The following ATP11B variants were observed in gnomAD, a reference collection of about 807,000 sequenced individuals.
ATP11B encodes phospholipid-transporting ATPase IF.
Under a neutral mutation model 157.8 loss-of-function variants are expected in ATP11B, and 81 were observed. The observed-to-expected ratio is 0.51, with a 90% CI of 0.43 to 0.62. The LOEUF is 0.62. ATP11B is among the 20% of genes least tolerant of loss of function. ATP11B has a pLI of 0.00. For missense variants in ATP11B, 1,165 were observed against 1,402.2 expected (o/e 0.83, Z 2.70); for synonymous variants, 451 against 469.4 (o/e 0.96, Z 0.51).
At chr3:182,835,969 C>T (rs1718517626) in intron 4 of ATP11B, 66 bp from the exon 5 acceptor site, 17 of 1,362,370 alleles carry the variant, frequency 1.2e-5, no homozygotes, top group Non-Finnish European at 1.5e-5. Context: ...AGTTTTTTTT[C>T]TTATTTGATA....
intron 17 of ATP11B, among the ~76,000 whole-genome samples, chr3:182,870,185 A>G (rs1721548130): frequency 6.6e-6 from 1 of 152,226 alleles, no homozygotes; most frequent in African/African-American, 2.4e-5. Context: ...AATATGCGAT[A>G]TAACACTGAT....
intron 19 of ATP11B, among the ~76,000 whole-genome samples, chr3:182,875,446 GT>G (rs1268591243): frequency 6.6e-6 from 1 of 152,020 alleles, no homozygotes; most frequent in African/African-American, 2.4e-5. Context: ...TGTTGTTGTT[GT>G]TTGTTTGTTT....
intron 28 of ATP11B, among the ~76,000 whole-genome samples, chr3:182,912,637 C>T (rs1040263640): frequency 6.6e-6 from 1 of 152,230 alleles, no homozygotes; most frequent in Non-Finnish European, 1.5e-5. Flanking sequence ...TTGTTTCACA[C>T]TGTGTGGTGT....
chr3:182,862,336 T>C (rs1319342411), intron 12 of ATP11B, among the ~76,000 whole-genome samples: 1 of 151,894 alleles, frequency 6.6e-6, no homozygotes, highest in Non-Finnish European at 1.5e-5. Context: ...AAGCTATTGA[T>C]TCAGTGGGCC....
chr3:182,874,149 A>T (rs1465147966), intron 19 of ATP11B, 134 bp downstream of exon 19: 1 of 678,504 alleles, frequency 1.5e-6, no homozygotes, highest in East Asian at 2.7e-5. Flanking sequence ...ACATTTTTTG[A>T]TAGATGAAAT....
intron 1 of ATP11B, among the ~76,000 whole-genome samples, chr3:182,808,441 TC>T (rs1401230906): frequency 6.6e-6 from 1 of 152,204 alleles, no homozygotes; most frequent in Non-Finnish European, 1.5e-5. Context: ...ACATTTTTTT[TC>T]CAGCATATAT....
chr3:182,808,118 C>T (rs73050606), intron 1 of ATP11B, among the ~76,000 whole-genome samples: 20,282 of 152,106 alleles, frequency 0.13, 1,617 homozygotes, highest in African/African-American at 0.22. Flanking sequence ...TCATATGTTA[C>T]CTAGAACGTT....
intron 1 of ATP11B, among the ~76,000 whole-genome samples, chr3:182,814,435 G>C (rs1716851629): frequency 6.6e-6 from 1 of 152,158 alleles, no homozygotes; most frequent in Admixed American, 6.5e-5. Flanking sequence ...GTGAAAACTA[G>C]AGAATTTAAT....
At chr3:182,874,465 A>G (rs1721887425) in intron 19 of ATP11B, among the ~76,000 whole-genome samples, 2 of 152,034 alleles carry the variant, frequency 1.3e-5, no homozygotes, top group African/African-American at 4.8e-5. Flanking sequence ...TATGGCCATC[A>G]TGTCAAAACA....
chr3:182,895,576 G>C (rs1225968299), intron 25 of ATP11B, among the ~76,000 whole-genome samples: 3 of 152,116 alleles, frequency 2.0e-5, no homozygotes, highest in Admixed American at 1.3e-4. Context: ...TTGAACCAGT[G>C]TTAAGATAAT....
rs762759717 is a variant in ATP11B, at chr3:182,918,037, C to A, written c.3467C>A (p.Ser1156Ter). The part of the protein sequence containing the change: ...PTHISRSWSA[S>*]DPFYTNDRSI... ...TGTTACTTTAGATCATGGAGTGCAT[C>A]GGATCCTTTCTATACCAACGACAGG... Residue 1156 changes from serine (S) to a stop codon, truncating the protein, a stop_gained, in exon 30 of 30, where the codon TCG becomes TAG. Transcript: ENST00000323116. LOFTEE classifies it high-confidence loss of function. 1 of 1,613,032 alleles carries A rather than the reference C, an allele frequency of 6.2e-7. No homozygotes were observed. Among genetic ancestry groups the A allele is most frequent in the Admixed American group, 1.7e-5 (1 of 59,962 alleles).
intron 28 of ATP11B, chr3:182,905,960 G>A (rs1724318578): frequency 4.5e-6 from 2 of 440,240 alleles, no homozygotes. Context: ...CATCCGCTAA[G>A]TTCTCATGCT....
chr3:182,827,433 G>A (rs1052907391), intron 2 of ATP11B, among the ~76,000 whole-genome samples: 2 of 152,114 alleles, frequency 1.3e-5, no homozygotes. Context: ...AGTGGGACAC[G>A]GAGAGATTAA....
intron 28 of ATP11B, among the ~76,000 whole-genome samples, chr3:182,907,869 T>C (rs1419903210): frequency 2.6e-5 from 4 of 152,346 alleles, no homozygotes; most frequent in East Asian, 1.9e-4. Context: ...AAATGTACAG[T>C]ACAGCTGAGA....
intron 28 of ATP11B, chr3:182,902,356 G>A (rs541518838): frequency 2.0e-5 from 7 of 341,550 alleles, no homozygotes; most frequent in African/African-American, 4.2e-5. Flanking sequence ...TGTGTATCAC[G>A]TATGATATTT....
intron 9 of ATP11B, among the ~76,000 whole-genome samples, chr3:182,845,991 A>G (rs983663957): frequency 3.9e-5 from 6 of 152,236 alleles, no homozygotes; most frequent in African/African-American, 1.4e-4. Context: ...AAAAGGATGA[A>G]TAAGTACTGC....
intron 2 of ATP11B, among the ~76,000 whole-genome samples, chr3:182,821,499 T>A (rs1192291285): frequency 1.3e-5 from 2 of 152,248 alleles, no homozygotes; most frequent in Non-Finnish European, 2.9e-5. Flanking sequence ...GGTGCCAAAG[T>A]ACAGCTTCAC....
chr3:182,867,159 C>T (rs1273568938), intron 14 of ATP11B, among the ~76,000 whole-genome samples: 3 of 150,920 alleles, frequency 2.0e-5, no homozygotes, highest in Non-Finnish European at 2.9e-5. Context: ...GAACTCCTAC[C>T]CTCAGGTGAT....
chr3:182,881,002 A>T, intron 21 of ATP11B, 21 bp downstream of exon 21: 4 of 1,541,894 alleles, frequency 2.6e-6, no homozygotes, highest in Non-Finnish European at 2.6e-6. Flanking sequence ...CTTCCTGAAA[A>T]GTTTTTCCTG....
Sources: allele counts gnomAD v4.1 joint callset (sites outside exome capture counted in the v4.1 genomes callset), GRCh38; gene constraint gnomAD v4.1.1; transcripts MANE v1.5; gene names NCBI Gene and HGNC (gene_info 2026-07-23, HGNC 2026-07-21).